Variants in PRRX2 observed in about 807,000 individuals in gnomAD.
PRRX2 encodes the protein paired related homeobox 2.
PRRX2 carries 11 observed loss-of-function variants against 18.0 expected under a neutral mutation model. The ratio of observed to expected loss-of-function variants is 0.61; its 90% CI spans 0.39 to 1.01. PRRX2 has a LOEUF of 1.01. Among genes scored for constraint, PRRX2 ranks in the 50% least tolerant of loss-of-function variants. The pLI is 0.01. For missense variants in PRRX2, 387 were observed against 351.0 expected (o/e 1.10, Z -0.82); for synonymous variants, 177 against 154.8 (o/e 1.14, Z -1.06).
At chr9:129,667,566 G>C (rs1275178910) in intron 1 of PRRX2, among the ~76,000 whole-genome samples, 1 of 152,094 alleles carries the variant, frequency 6.6e-6, no homozygotes, top group Non-Finnish European at 1.5e-5. Flanking sequence ...GAGAGAGAGA[G>C]GGAGGAGAGA....
intron 1 of PRRX2, among the ~76,000 whole-genome samples, chr9:129,674,476 GC>G (rs1359319188): frequency 6.6e-6 from 1 of 152,134 alleles, no homozygotes; most frequent in East Asian, 1.9e-4. Flanking sequence ...AGGAGCTGAG[GC>G]CTGTAGGATT....
rs34188002 is a variant in PRRX2 at position 129,707,790 on chromosome 9, C to CAA, written c.260-11427_260-11426dup. Among the ~76,000 whole-genome samples, 523 of 118,808 alleles carry CAA rather than the reference C, an allele frequency of 4.4e-3. 2 individuals carry two copies. Among genetic ancestry groups the CAA allele is most frequent in the South Asian group, 0.012 (44 of 3,626 alleles). 77.9% of individuals were successfully genotyped at this position (118,808 alleles called of 152,430 possible). A position where few individuals can be genotyped will look rare whatever the true frequency, so the allele number is the denominator to read the frequency against. On this transcript the variant is annotated intron_variant, in intron 1 of 3. Coordinates refer to ENST00000372469, the MANE Select transcript of PRRX2 (RefSeq NM_016307.4). ...TGGGTGACAGAGGGAGACTGTGTCTCAAAAAAAAAAAAAAATGCTGCTATG... is the reference window on the plus strand; with the variant it reads ...TGGGTGACAGAGGGAGACTGTGTCTCAAAAAAAAAAAAAAAAATGCTGCTATG...
intron 1 of PRRX2, among the ~76,000 whole-genome samples, chr9:129,712,135 T>C (rs991225325): frequency 1.3e-5 from 2 of 152,208 alleles, no homozygotes; most frequent in Admixed American, 6.6e-5. Context: ...ATTTGTTAAA[T>C]CCACATCGAG....
intron 1 of PRRX2, among the ~76,000 whole-genome samples, chr9:129,704,977 C>G (rs1162447275): frequency 6.6e-6 from 1 of 152,200 alleles, no homozygotes; most frequent in African/African-American, 2.4e-5. Flanking sequence ...CAGCTTTCCT[C>G]CCGATACCAG....
chr9:129,718,157 G>A (rs1351232412), intron 1 of PRRX2, among the ~76,000 whole-genome samples: 1 of 151,400 alleles, frequency 6.6e-6, no homozygotes, highest in Non-Finnish European at 1.5e-5. Flanking sequence ...TACCAGAGCT[G>A]CTAGTTCTGT....
Position 129,665,984 on chromosome 9 carries a change from G to A in PRRX2, c.117G>A (p.Ser39=). ...GCGCCCAGGCGCGCAAGAACTTCTCGGTGAGCCACCTCCTGGACCTGGAAG... is the reference window on the plus strand; with the variant it reads ...GCGCCCAGGCGCGCAAGAACTTCTCAGTGAGCCACCTCCTGGACCTGGAAG... The part of the protein sequence containing the change: ...GDCAQARKNF[S]VSHLLDLEEV... Residue 39 remains serine (S), a synonymous_variant, in exon 1 of 4, where the codon TCG becomes TCA. Coordinates refer to ENST00000372469, the MANE Select transcript of PRRX2 (RefSeq NM_016307.4). This position sits in a 1 kb window ranked among gnomAD's most constrained non-coding sequence, Gnocchi z 5.3. 1.8e-6 allele frequency: 2 copies of A among 1,141,322 alleles called. No homozygotes were observed. The highest frequency in any genetic ancestry group is 2.2e-6 in the Non-Finnish European group (2 of 923,744). 70.7% of individuals were successfully genotyped at this position (1,141,322 alleles called of 1,614,324 possible).
intron 1 of PRRX2, among the ~76,000 whole-genome samples, chr9:129,685,799 G>A (rs1480727974): frequency 6.6e-6 from 1 of 152,240 alleles, no homozygotes. Flanking sequence ...TCCATGCAGT[G>A]TTTACTGAGC....
At chr9:129,666,158 G>GGGGCCA in intron 1 of PRRX2, 32 bp downstream of exon 1, 1 of 964,942 alleles carries the variant, frequency 1.0e-6, no homozygotes, top group Non-Finnish European at 1.2e-6. Flanking sequence ...CGGGGGTGGC[G>GGGGCCA]GGGCCGGGGC....
intron 1 of PRRX2, among the ~76,000 whole-genome samples, chr9:129,666,571 A>ACCCC (rs532808399): frequency 1.7e-4 from 16 of 95,506 alleles, no homozygotes; most frequent in African/African-American, 4.5e-4. Context: ...GTGCCTGCCC[A>ACCCC]CCCCCCCCCA....
intron 1 of PRRX2, among the ~76,000 whole-genome samples, chr9:129,702,329 C>T (rs867333514): frequency 6.6e-5 from 10 of 151,008 alleles, no homozygotes; most frequent in Admixed American, 6.6e-5. Flanking sequence ...ACCCGGGAGG[C>T]GGAGCTTGCA....
At chr9:129,668,614 C>T (rs867631362) in intron 1 of PRRX2, among the ~76,000 whole-genome samples, 27 of 151,444 alleles carry the variant, frequency 1.8e-4, no homozygotes, top group Admixed American at 7.2e-4. Flanking sequence ...CCCATCTCTA[C>T]TAAAAATACA....
At chr9:129,684,349 G>C (rs1287189192) in intron 1 of PRRX2, among the ~76,000 whole-genome samples, 5 of 151,700 alleles carry the variant, frequency 3.3e-5, no homozygotes, top group Non-Finnish European at 5.9e-5. Context: ...AATGACACTG[G>C]GGCCTGGGTT....
Position 129,719,363 on chromosome 9 carries a change from CCTTT to C in PRRX2, c.393_396del (p.Phe132CysfsTer63). The C allele has an allele frequency of 6.4e-7, 1 of 1,571,944 alleles. No individual in the cohort carries two copies. The highest frequency in any genetic ancestry group is 8.6e-7 in the Non-Finnish European group (1 of 1,159,688). On this transcript the variant is annotated frameshift_variant, in exon 2 of 4. Coordinates refer to ENST00000372469, the MANE Select transcript of PRRX2 (RefSeq NM_016307.4). LOFTEE classifies it high-confidence loss of function. ...TTCGAGCGCACGCACTACCCCGACGCCTTTGTGCGCGAGGAGCTTGCCCGGCGCG... is the reference window on the plus strand; with the variant it reads ...TTCGAGCGCACGCACTACCCCGACGCGTGCGCGAGGAGCTTGCCCGGCGCG...
intron 1 of PRRX2, among the ~76,000 whole-genome samples, chr9:129,687,620 G>C (rs1411317999): frequency 2.0e-5 from 3 of 152,244 alleles, no homozygotes; most frequent in Admixed American, 2.0e-4. Flanking sequence ...AATGCTGCCT[G>C]GATGAATGAA....
intron 1 of PRRX2, among the ~76,000 whole-genome samples, chr9:129,673,147 C>G (rs922555981): frequency 6.6e-6 from 1 of 152,166 alleles, no homozygotes; most frequent in Non-Finnish European, 1.5e-5. Context: ...ATCTTCATCT[C>G]TGAGTACAGA....
At chr9:129,702,580 G>A (rs1446675065) in intron 1 of PRRX2, among the ~76,000 whole-genome samples, 1 of 152,330 alleles carries the variant, frequency 6.6e-6, no homozygotes, top group East Asian at 1.9e-4. Context: ...TCATTGAGAT[G>A]GCCACGTGCA....
chr9:129,707,577 G>A (rs986346638), intron 1 of PRRX2, among the ~76,000 whole-genome samples: 1 of 152,032 alleles, frequency 6.6e-6, no homozygotes, highest in Non-Finnish European at 1.5e-5. Flanking sequence ...GGTCACCTGA[G>A]GTCAGGAGTT....
At chr9:129,701,850 A>AG (rs1394405096) in intron 1 of PRRX2, among the ~76,000 whole-genome samples, 2 of 151,914 alleles carry the variant, frequency 1.3e-5, no homozygotes, top group East Asian at 1.9e-4. Context: ...CTGTAATCCC[A>AG]CACTTTAGGA....
intron 1 of PRRX2, among the ~76,000 whole-genome samples, chr9:129,683,193 CCCT>C (rs1304729959): frequency 6.6e-6 from 1 of 150,500 alleles, no homozygotes; most frequent in East Asian, 1.9e-4. Context: ...CATCAGGAAC[CCCT>C]CCTGGGACTC....
Sources: allele counts gnomAD v4.1 joint callset (sites outside exome capture counted in the v4.1 genomes callset), GRCh38; gene constraint gnomAD v4.1.1; non-coding constraint Gnocchi (gnomAD v3.1); transcripts MANE v1.5; gene names NCBI Gene and HGNC (gene_info 2026-07-23, HGNC 2026-07-21).